The following CDH4 variants were observed in gnomAD, a reference collection of about 807,000 sequenced individuals.
CDH4 encodes cadherin-4.
CDH4 carries 33 observed loss-of-function variants against 86.0 expected under a neutral mutation model. That is an observed-to-expected ratio of 0.38 (90% CI 0.29 to 0.51). The LOEUF is 0.51. Among genes scored for constraint, CDH4 ranks in the 20% least tolerant of loss-of-function variants. The probability of loss-of-function intolerance (pLI) is 0.86; values close to 1 mark genes in which losing one functional copy is unlikely to be tolerated. For synonymous variants in CDH4, 555 were observed against 549.4 expected (o/e 1.01, Z -0.14); for missense variants, 1,114 against 1,307.4 (o/e 0.85, Z 2.28).
Position 61,417,775 on chromosome 20 carries a change from G to A in CDH4, c.169+162838G>A, listed in dbSNP as rs2085155101. Among the ~76,000 whole-genome samples the A allele has an allele frequency of 6.6e-6, 1 of 152,108 alleles. No individual in the cohort carries two copies. The highest frequency in any genetic ancestry group is 1.5e-5 in the Non-Finnish European group (1 of 68,028). On this transcript the variant is annotated intron_variant, in intron 2 of 15. Transcript: ENST00000614565. This position sits in a 1 kb window ranked among gnomAD's most constrained non-coding sequence, Gnocchi z 4.0. ...AGCCTTGACCTGACAAGGTCCTCGA[G>A]GCCAGGCGAGGTCTCAGGAAGTCTG...
intron 4 of CDH4, among the ~76,000 whole-genome samples, chr20:61,804,048 A>G (rs1352107101): frequency 1.3e-5 from 2 of 152,226 alleles, no homozygotes; most frequent in African/African-American, 4.8e-5. Flanking sequence ...GCCAAGAGAG[A>G]GGCGCCTGCT....
Position 61,681,441 on chromosome 20 carries a change from G to A in CDH4, c.170-62122G>A, listed in dbSNP as rs558153283. Among the ~76,000 whole-genome samples, 16 of 152,262 alleles carry A rather than the reference G, an allele frequency of 1.1e-4. No individual in the cohort carries two copies. In the East Asian group the frequency reaches 1.4e-3, roughly 13 times the overall value. ...TCCTTGGAACTTTATAACTGTGTGC[G>A]TATTTCAAGGGATCTGTTGGCTTCT... On this transcript the variant is annotated intron_variant, in intron 2 of 15. Coordinates refer to ENST00000614565, the MANE Select transcript of CDH4 (RefSeq NM_001794.5). This position sits in a 1 kb window ranked among gnomAD's most constrained non-coding sequence, Gnocchi z 4.5.
intron 6 of CDH4, among the ~76,000 whole-genome samples, chr20:61,859,912 C>T (rs1025394633): frequency 2.0e-5 from 3 of 152,272 alleles, no homozygotes; most frequent in African/African-American, 7.2e-5. Flanking sequence ...CAGCCCCCTC[C>T]TCAGCAGGCA....
chr20:61,629,737 A>C (rs980469394), intron 2 of CDH4, among the ~76,000 whole-genome samples: 1 of 152,086 alleles, frequency 6.6e-6, no homozygotes, highest in Non-Finnish European at 1.5e-5. Flanking sequence ...CCTGCCAAAA[A>C]CTGTCCCACG....
chr20:61,530,008 A>G (rs6061604), intron 2 of CDH4, among the ~76,000 whole-genome samples: 1,677 of 151,220 alleles, frequency 0.011, 21 homozygotes, highest in African/African-American at 0.039. Context: ...TGGCTAATTT[A>G]TTTGTTTTTG....
intron 2 of CDH4, among the ~76,000 whole-genome samples, chr20:61,291,646 T>C (rs1007360987): frequency 6.6e-6 from 1 of 151,800 alleles, no homozygotes; most frequent in East Asian, 2.0e-4. Flanking sequence ...AGGCCAAACA[T>C]GCGGGCACCC....
rs1982357590 is a variant in CDH4 at position 61,844,778 on chromosome 20, G to A, written c.687G>A (p.Met229Ile). 1.9e-6 allele frequency: 3 copies of A among 1,614,010 alleles called. No individual in the cohort carries two copies. Among genetic ancestry groups the A allele is most frequent in the Non-Finnish European group, 1.7e-6 (2 of 1,179,944 alleles). Residue 229 changes from methionine to isoleucine, a missense_variant, in exon 5 of 16, where the codon ATG (methionine) becomes ATA (isoleucine). Physicochemically the swap from Met to Ile is conservative, Grantham distance 10 (BLOSUM62 1). Transcript: ENST00000614565. ...VFSIDSMSGR[M>I]YVTRPMDREE... ...GCATTGACTCCATGTCCGGCCGGAT[G>A]TACGTCACAAGGCCCATGGACCGGG...
intron 2 of CDH4, among the ~76,000 whole-genome samples, chr20:61,351,917 A>G (rs1039948172): frequency 2.0e-5 from 3 of 152,066 alleles, no homozygotes; most frequent in East Asian, 1.9e-4. Flanking sequence ...GGGTTTCACC[A>G]TGTTGGCCAG....
At chr20:61,668,635 T>A (rs1175468826) in intron 2 of CDH4, among the ~76,000 whole-genome samples, 1 of 152,096 alleles carries the variant, frequency 6.6e-6, no homozygotes, top group Non-Finnish European at 1.5e-5. Flanking sequence ...AAAAAGAGAC[T>A]GGGGTCAGAG....
rs554879057 is a variant in CDH4, at chr20:61,252,654, C to G, written c.57+84C>G. 98 of 798,652 alleles carry G rather than the reference C, an allele frequency of 1.2e-4. 2 individuals carry two copies. The South Asian group carries it at 4.0e-3, about 33-fold the overall frequency. 49.5% of individuals were successfully genotyped at this position (798,652 alleles called of 1,614,324 possible). On this transcript the variant is annotated intron_variant, in intron 1 of 15. Coordinates refer to ENST00000614565, the MANE Select transcript of CDH4 (RefSeq NM_001794.5). This position sits in a 1 kb window ranked among gnomAD's most constrained non-coding sequence, Gnocchi z 4.4. ...CCGGATCCCGCGGGGCGCTCACACA[C>G]CCGGCGGGGCTCTCCCGGGCTCCCC...
At chr20:61,339,180 A>G (rs1235636474) in intron 2 of CDH4, among the ~76,000 whole-genome samples, 2 of 152,176 alleles carry the variant, frequency 1.3e-5, no homozygotes, top group Non-Finnish European at 2.9e-5. Flanking sequence ...CCCAAACACT[A>G]TATTTTATTT....
At chr20:61,723,972 T>G (rs1454387411) in intron 2 of CDH4, among the ~76,000 whole-genome samples, 1 of 101,360 alleles carries the variant, frequency 9.9e-6, no homozygotes, top group Non-Finnish European at 2.0e-5. Context: ...GGAGGCTCCA[T>G]GTGGCAGGGG....
At chr20:61,570,989 G>A (rs1006719438) in intron 2 of CDH4, among the ~76,000 whole-genome samples, 2 of 152,134 alleles carry the variant, frequency 1.3e-5, no homozygotes, top group African/African-American at 2.4e-5. Context: ...AAGATTCGCC[G>A]CCTGTGTGTG....
intron 2 of CDH4, among the ~76,000 whole-genome samples, chr20:61,262,730 G>C (rs919778113): frequency 1.3e-5 from 2 of 151,914 alleles, no homozygotes; most frequent in Non-Finnish European, 2.9e-5. Flanking sequence ...ATAAAGGAAA[G>C]GGCTTTTTCC....
At chr20:61,424,088 A>G (rs2085195913) in intron 2 of CDH4, among the ~76,000 whole-genome samples, 3 of 151,634 alleles carry the variant, frequency 2.0e-5, no homozygotes, top group South Asian at 2.1e-4. Context: ...ACACACGTAT[A>G]CACACGTATA....
At chr20:61,319,154 A>AT (rs1322733301) in intron 2 of CDH4, among the ~76,000 whole-genome samples, 1 of 151,926 alleles carries the variant, frequency 6.6e-6, no homozygotes, top group East Asian at 1.9e-4. Context: ...TAAGCATAAT[A>AT]ATATAACATA....
chr20:61,721,071 T>C (rs1323776524), intron 2 of CDH4, among the ~76,000 whole-genome samples: 1 of 152,188 alleles, frequency 6.6e-6, no homozygotes, highest in Non-Finnish European at 1.5e-5. Context: ...TTGCCACTCT[T>C]GCACCCTCCA....
chr20:61,725,671 G>C (rs137862740), intron 2 of CDH4, among the ~76,000 whole-genome samples: 1 of 152,114 alleles, frequency 6.6e-6, no homozygotes, highest in East Asian at 1.9e-4. Flanking sequence ...AACCCTGGAC[G>C]CCCGTCAAGA....
At chr20:61,848,459 C>T (rs971387423) in intron 5 of CDH4, among the ~76,000 whole-genome samples, 2 of 152,220 alleles carry the variant, frequency 1.3e-5, no homozygotes, top group African/African-American at 4.8e-5. Flanking sequence ...GTAGCCTCAA[C>T]CTCCCAGGCT....
Sources: allele counts gnomAD v4.1 joint callset (sites outside exome capture counted in the v4.1 genomes callset), GRCh38; gene constraint gnomAD v4.1.1; non-coding constraint Gnocchi (gnomAD v3.1); transcripts MANE v1.5; gene names NCBI Gene and HGNC (gene_info 2026-07-23, HGNC 2026-07-21).